Variants in GALNTL6 observed in about 807,000 individuals in gnomAD.
The protein encoded by GALNTL6 is polypeptide N-acetylgalactosaminyltransferase-like 6.
A neutral mutation model predicts 73.7 loss-of-function variants in GALNTL6; 46 were observed. The ratio of observed to expected loss-of-function variants is 0.62; its 90% CI spans 0.49 to 0.80. The LOEUF (loss-of-function observed/expected upper bound fraction) is 0.80. Ranked by LOEUF, GALNTL6 falls within the 30% of genes least tolerant of loss-of-function variation. The pLI, the probability that GALNTL6 is intolerant of heterozygous loss-of-function variation, is 0.00. For missense variants in GALNTL6, 604 were observed against 755.0 expected (o/e 0.80, Z 2.34); for synonymous variants, 259 against 263.7 (o/e 0.98, Z 0.17).
intron 2 of GALNTL6, among the ~76,000 whole-genome samples, chr4:171,865,478 T>C (rs1267316961): frequency 6.6e-6 from 1 of 152,264 alleles, no homozygotes; most frequent in East Asian, 1.9e-4. Context: ...TATCCATCAG[T>C]AATTAGTTCC....
At chr4:172,297,820 G>A (rs1400852999) in intron 3 of GALNTL6, among the ~76,000 whole-genome samples, 1 of 152,068 alleles carries the variant, frequency 6.6e-6, no homozygotes, top group Non-Finnish European at 1.5e-5. Context: ...GCTTAGGATT[G>A]ACTTGGCAAT....
At chr4:172,296,824 C>T (rs926430232) in intron 3 of GALNTL6, among the ~76,000 whole-genome samples, 7 of 152,152 alleles carry the variant, frequency 4.6e-5, no homozygotes, top group African/African-American at 9.7e-5. Context: ...AATAAACAAA[C>T]GAGTGCATGT....
At chr4:172,559,316 G>A (rs960442879) in intron 5 of GALNTL6, among the ~76,000 whole-genome samples, 28 of 151,748 alleles carry the variant, frequency 1.8e-4, no homozygotes, top group African/African-American at 6.3e-4. Context: ...CACCCACCTC[G>A]GCCTCCCAAA....
At chr4:172,414,550 G>C (rs1343753725) in intron 5 of GALNTL6, among the ~76,000 whole-genome samples, 2 of 152,108 alleles carry the variant, frequency 1.3e-5, no homozygotes, top group Non-Finnish European at 2.9e-5. Flanking sequence ...ACGATGATCT[G>C]TAGGTTTATT....
chr4:172,559,058 A>ATTTTT (rs71592081), intron 5 of GALNTL6, among the ~76,000 whole-genome samples: 9,839 of 77,400 alleles, frequency 0.13, 3,464 homozygotes, highest in African/African-American at 0.16. Flanking sequence ...ATGATAATGG[A>ATTTTT]TTTTTTTTTT....
At chr4:171,852,948 G>A (rs899861577) in intron 2 of GALNTL6, among the ~76,000 whole-genome samples, 1 of 151,096 alleles carries the variant, frequency 6.6e-6, no homozygotes, top group Non-Finnish European at 1.5e-5. Flanking sequence ...CTGGGTTCAC[G>A]CCGTTCGCCT....
intron 5 of GALNTL6, among the ~76,000 whole-genome samples, chr4:172,417,505 C>G (rs1385877978): frequency 6.6e-6 from 1 of 151,918 alleles, no homozygotes; most frequent in East Asian, 1.9e-4. Flanking sequence ...AAAAATTAGC[C>G]GAGCATGGTC....
intron 12 of GALNTL6, among the ~76,000 whole-genome samples, chr4:173,037,275 T>C (rs975365271): frequency 6.6e-6 from 1 of 152,220 alleles, no homozygotes; most frequent in African/African-American, 2.4e-5. Context: ...ACCTTTGGAA[T>C]AAAATGCTCA....
At chr4:172,087,753 CAAATAGCAGA>C (rs1463869442) in intron 2 of GALNTL6, among the ~76,000 whole-genome samples, 1 of 134,552 alleles carries the variant, frequency 7.4e-6, no homozygotes, top group East Asian at 2.3e-4. Context: ...TGATTACCTA[CAAATAGCAGA>C]AAAAAAAAAA....
At chr4:172,369,509 G>A (rs754919860) in intron 5 of GALNTL6, among the ~76,000 whole-genome samples, 9 of 152,328 alleles carry the variant, frequency 5.9e-5, no homozygotes, top group East Asian at 1.9e-4. Context: ...GGGAGTGGGC[G>A]CCGCGGAGCA....
At chr4:172,943,017 C>T (rs1748990088) in intron 9 of GALNTL6, among the ~76,000 whole-genome samples, 1 of 152,232 alleles carries the variant, frequency 6.6e-6, no homozygotes, top group African/African-American at 2.4e-5. Flanking sequence ...GACCCTCACA[C>T]CCAGCCAAAA....
At chr4:172,811,324 A>T (rs2110992174) in intron 6 of GALNTL6, among the ~76,000 whole-genome samples, 1 of 152,344 alleles carries the variant, frequency 6.6e-6, no homozygotes, top group African/African-American at 2.4e-5. Context: ...TGAAAAGGAA[A>T]TTTGAAGGAA....
Position 172,474,570 on chromosome 4 carries a change from C to T in GALNTL6, c.553+125881C>T, listed in dbSNP as rs112226735. Among the ~76,000 whole-genome samples, 889 of 152,186 alleles carry T rather than the reference C, an allele frequency of 5.8e-3. 11 individuals carry two copies. Among genetic ancestry groups the T allele is most frequent in the African/African-American group, 0.02 (847 of 41,500 alleles). Reference sequence around the variant, plus strand: ...TGATAACTTAATCACTATACATTGGCACTGTGGTAAGATGCTTCTTTTTGG... The same window carrying T: ...TGATAACTTAATCACTATACATTGGTACTGTGGTAAGATGCTTCTTTTTGG... On this transcript the variant is annotated intron_variant, in intron 5 of 12. Transcript: ENST00000506823.
chr4:173,004,643 A>ACT lies in GALNTL6; in HGVS notation c.1372-4535_1372-4534insCT, dbSNP rs76614647. 6.7e-3 allele frequency among the ~76,000 whole-genome samples: 1,015 copies of ACT among 151,680 alleles called. 3 individuals carry two copies. Among genetic ancestry groups the ACT allele is most frequent in the Non-Finnish European group, 0.012 (805 of 67,902 alleles). On this transcript the variant is annotated intron_variant, in intron 10 of 12. Coordinates refer to ENST00000506823, the MANE Select transcript of GALNTL6 (RefSeq NM_001034845.3). ...CTCCATCTAACTAACTAACTAACTA[A>ACT]ATAAATAAATAAATAAAATCAACTA...
At chr4:172,146,256 C>G (rs1733925043) in intron 2 of GALNTL6, among the ~76,000 whole-genome samples, 1 of 152,138 alleles carries the variant, frequency 6.6e-6, no homozygotes, top group South Asian at 2.1e-4. Flanking sequence ...TTCACCTACT[C>G]CAGGTCAATC....
chr4:172,726,766 G>T (rs890105700), intron 5 of GALNTL6, among the ~76,000 whole-genome samples: 1 of 152,164 alleles, frequency 6.6e-6, no homozygotes, highest in African/African-American at 2.4e-5. Context: ...CTAGGAGCTT[G>T]AAATACAGAA....
chr4:172,599,910 A>G (rs1271258336), intron 5 of GALNTL6, among the ~76,000 whole-genome samples: 2 of 152,176 alleles, frequency 1.3e-5, no homozygotes, highest in Non-Finnish European at 2.9e-5. Context: ...TGCCTTTAAA[A>G]AAACAACAGC....
At chr4:171,910,372 AG>A (rs1177372607) in intron 2 of GALNTL6, among the ~76,000 whole-genome samples, 1 of 152,186 alleles carries the variant, frequency 6.6e-6, no homozygotes, top group Non-Finnish European at 1.5e-5. Context: ...ACAGATTGAA[AG>A]AAAAACTGGT....
chr4:172,194,646 A>G (rs1382957037), intron 2 of GALNTL6, among the ~76,000 whole-genome samples: 7 of 152,330 alleles, frequency 4.6e-5, no homozygotes, highest in Non-Finnish European at 5.9e-5. Context: ...AACATTCAAC[A>G]TTCTTAAAGA....
Sources: gnomAD v4.1 joint callset for allele counts (sites outside exome capture counted in the v4.1 genomes callset) on GRCh38, gnomAD v4.1.1 for gene constraint, MANE v1.5 for transcripts, NCBI Gene and HGNC (gene_info 2026-07-23, HGNC 2026-07-21) for gene names.